The following ANXA10 variants were observed in gnomAD, a reference collection of about 807,000 sequenced individuals.
ANXA10 encodes the protein annexin A10.
A neutral mutation model predicts 53.5 loss-of-function variants in ANXA10; 49 were observed. That is an observed-to-expected ratio of 0.92 (90% CI 0.73 to 1.16). The LOEUF (loss-of-function observed/expected upper bound fraction) is 1.16, where lower values mean the gene tolerates loss of function less well. Among genes scored for constraint, ANXA10 ranks in the 50% most tolerant of loss-of-function variants. The probability of loss-of-function intolerance (pLI) is 0.00; values close to 1 mark genes in which losing one functional copy is unlikely to be tolerated. For missense variants in ANXA10, 393 were observed against 394.4 expected, an observed-to-expected ratio of 1.00 and a Z score of 0.03; for synonymous variants, 131 against 128.9, an observed-to-expected ratio of 1.02 and a Z score of -0.11.
intron 2 of ANXA10, among the ~76,000 whole-genome samples, chr4:168,129,723 A>G (rs778083001): frequency 2.0e-5 from 3 of 152,198 alleles, no homozygotes; most frequent in Non-Finnish European, 4.4e-5. Context: ...GTATTCTGAA[A>G]CAAATGAAAG....
rs373246150 is a variant in ANXA10, at chr4:168,184,712, C to G, written c.906+31C>G. 5.5e-5 allele frequency: 89 copies of G among 1,606,750 alleles called. No individual in the cohort carries two copies. The African/African-American group carries it at 8.1e-4, about 15-fold the overall frequency. The stretch of plus-strand genomic sequence containing the variant: ...TTTCCGACACATGATTTATTTGGAC[C>G]CACATTTTCTCCTTTTTGAAACTGA... On this transcript the variant is annotated intron_variant, in intron 11 of 11. Coordinates refer to ENST00000359299, the MANE Select transcript of ANXA10 (RefSeq NM_007193.5).
chr4:168,164,376 T>G (rs532736160), intron 5 of ANXA10, 88 bp downstream of exon 5: 2 of 1,002,302 alleles, frequency 2.0e-6, no homozygotes, highest in African/African-American at 3.2e-5. Flanking sequence ...TTTTGAAGAA[T>G]TATCTAAGAC....
chr4:168,113,725 A>G (rs180693349), intron 1 of ANXA10, among the ~76,000 whole-genome samples: 1 of 152,358 alleles, frequency 6.6e-6, no homozygotes, highest in Non-Finnish European at 1.5e-5. Context: ...AAACCATAGT[A>G]CAGGGTAATA....
intron 1 of ANXA10, among the ~76,000 whole-genome samples, chr4:168,119,459 T>C (rs1286042864): frequency 6.6e-6 from 1 of 152,130 alleles, no homozygotes; most frequent in Non-Finnish European, 1.5e-5. Flanking sequence ...ATCACAGAAT[T>C]TTTAATTTTC....
At chr4:168,179,392 G>C (rs1732196246) in intron 9 of ANXA10, 80 bp downstream of exon 9, 4 of 934,796 alleles carry the variant, frequency 4.3e-6, no homozygotes, top group Non-Finnish European at 6.6e-6. Context: ...AACTAAAGAT[G>C]CATGAGTAAG....
At chr4:168,131,203 A>C (rs930865130) in intron 2 of ANXA10, among the ~76,000 whole-genome samples, 5 of 151,926 alleles carry the variant, frequency 3.3e-5, no homozygotes, top group Non-Finnish European at 5.9e-5. Flanking sequence ...ATTTTTAAAA[A>C]TTCTCTTGTC....
At chr4:168,125,696 C>T (rs1216770821) in intron 1 of ANXA10, among the ~76,000 whole-genome samples, 1 of 152,164 alleles carries the variant, frequency 6.6e-6, no homozygotes, top group Non-Finnish European at 1.5e-5. Flanking sequence ...TGTACTCAGT[C>T]TCAGGCATTA....
chr4:168,099,298 G>C (rs1165119407), intron 1 of ANXA10, among the ~76,000 whole-genome samples: 2 of 152,054 alleles, frequency 1.3e-5, no homozygotes, highest in Non-Finnish European at 1.5e-5. Flanking sequence ...TTGCCAGTCT[G>C]AAAATATTGT....
At position 168,156,146 on chromosome 4, in the gene ANXA10, TA is replaced by T. The variant is rs1314943809; in HGVS notation, c.196-6380del. 9.3e-3 allele frequency among the ~76,000 whole-genome samples: 258 copies of T among 27,742 alleles called. 2 individuals carry two copies. The highest frequency in any genetic ancestry group is 0.041 in the African/African-American group (220 of 5,338). 18.2% of individuals were successfully genotyped at this position (27,742 alleles called of 152,430 possible). The stretch of plus-strand genomic sequence containing the variant: ...TATTTATATATATTATATATAAAAA[TA>T]ATATATATTATATATTATATATATT... On this transcript the variant is annotated intron_variant, in intron 3 of 11. Transcript: ENST00000359299.
chr4:168,096,926 A>ATATATG (rs371811709), intron 1 of ANXA10, among the ~76,000 whole-genome samples: 3 of 129,892 alleles, frequency 2.3e-5, no homozygotes, highest in Admixed American at 8.3e-5. Context: ...ATATATATAT[A>ATATATG]TATGTATGTA....
chr4:168,182,391 C>T (rs1307459322), intron 10 of ANXA10, among the ~76,000 whole-genome samples: 8 of 112,276 alleles, frequency 7.1e-5, no homozygotes, highest in Admixed American at 1.3e-4. Flanking sequence ...AGTGCAGTGG[C>T]GCGATCTCGG....
intron 3 of ANXA10, among the ~76,000 whole-genome samples, chr4:168,156,653 G>A (rs1372597149): frequency 3.3e-5 from 5 of 150,912 alleles, no homozygotes; most frequent in East Asian, 3.9e-4. Flanking sequence ...ACAGGCACCC[G>A]CCACCATGCC....
At chr4:168,147,487 T>C (rs921776904) in intron 3 of ANXA10, among the ~76,000 whole-genome samples, 4 of 152,204 alleles carry the variant, frequency 2.6e-5, no homozygotes, top group Non-Finnish European at 4.4e-5. Flanking sequence ...ATTAGGCTTA[T>C]GGGGCTTCAT....
intron 6 of ANXA10, among the ~76,000 whole-genome samples, chr4:168,173,534 G>T (rs189112788): frequency 1.8e-4 from 28 of 152,300 alleles, no homozygotes; most frequent in Admixed American, 1.7e-3. Flanking sequence ...CCTGTAAGGA[G>T]GCTGCTTCAG....
At chr4:168,130,072 T>C (rs927828396) in intron 2 of ANXA10, among the ~76,000 whole-genome samples, 1 of 152,180 alleles carries the variant, frequency 6.6e-6, no homozygotes, top group Non-Finnish European at 1.5e-5. Flanking sequence ...GTTCCTGATC[T>C]TTCTGATCAT....
intron 1 of ANXA10, among the ~76,000 whole-genome samples, chr4:168,115,171 C>T (rs371656969): frequency 1.3e-5 from 2 of 152,150 alleles, no homozygotes; most frequent in African/African-American, 4.8e-5. Flanking sequence ...ACATGAGTCA[C>T]TGTGCCCAGC....
At chr4:168,182,426 G>T (rs1273952444) in intron 10 of ANXA10, among the ~76,000 whole-genome samples, 37 of 137,280 alleles carry the variant, frequency 2.7e-4, no homozygotes, top group Non-Finnish European at 4.1e-4. Flanking sequence ...TGCCTCCCGG[G>T]TTCACGCCAT....
intron 3 of ANXA10, among the ~76,000 whole-genome samples, chr4:168,141,779 G>C (rs1321199499): frequency 6.6e-6 from 1 of 152,122 alleles, no homozygotes; most frequent in Non-Finnish European, 1.5e-5. Context: ...TATAACATTG[G>C]ATTTTTCTTC....
intron 3 of ANXA10, among the ~76,000 whole-genome samples, chr4:168,145,843 C>T (rs1731397532): frequency 1.3e-5 from 2 of 152,088 alleles, no homozygotes; most frequent in Admixed American, 1.3e-4. Context: ...TCTTACTGAG[C>T]TGATCAATTT....
Sources: gnomAD v4.1 joint callset for allele counts (sites outside exome capture counted in the v4.1 genomes callset) on GRCh38, gnomAD v4.1.1 for gene constraint, MANE v1.5 for transcripts, NCBI Gene and HGNC (gene_info 2026-07-23, HGNC 2026-07-21) for gene names.